The following VDR variants were observed in gnomAD, a reference collection of about 807,000 sequenced individuals.
The protein encoded by VDR is vitamin D3 receptor.
A neutral mutation model predicts 39.7 loss-of-function variants in VDR; 19 were observed. The ratio of observed to expected loss-of-function variants is 0.48; its 90% CI spans 0.33 to 0.70. The LOEUF (loss-of-function observed/expected upper bound fraction) is 0.70, where lower values mean the gene tolerates loss of function less well. Ranked by LOEUF, VDR falls within the 30% of genes least tolerant of loss-of-function variation. VDR has a pLI of 0.02. For missense variants in VDR, 442 were observed against 570.5 expected (o/e 0.77, Z 2.29); for synonymous variants, 242 against 215.8 (o/e 1.12, Z -1.07).
In VDR at chr12:47,855,698, G is replaced by A; in HGVS notation, c.687C>T (p.His229=). 2 of 1,614,184 alleles carry A rather than the reference G, an allele frequency of 1.2e-6. No individual in the cohort carries two copies. Among genetic ancestry groups the A allele is most frequent in the Non-Finnish European group, 1.7e-6 (2 of 1,180,022 alleles). The part of the protein sequence containing the change: ...LELSQLSMLP[H]LADLVSYSIQ... ...TGCTGTAACTGACCAGGTCAGCCAG[G>A]TGGGGCAGCATGGAGAGCTGGGACA... The change falls in exon 7 of 10, where the codon CAC becomes CAT. Residue 229 remains histidine, a synonymous_variant. Coordinates refer to ENST00000549336, the MANE Select transcript of VDR (RefSeq NM_000376.3).
At position 47,865,168 on chromosome 12, in the gene VDR, C is replaced by A. The variant is rs200041268; in HGVS notation, c.156G>T (p.Met52Ile). Residue 52 changes from methionine (M) to isoleucine (I), a missense_variant, in exon 4 of 10, where the codon ATG becomes ATT. Transcript: ENST00000549336. ...EGCKGFFRRS[M>I]KRKALFTCPF... ...GGCAGGTGAATAGTGCCTTCCGCTT[C>A]ATGCTTCGCCTGCCGAGAGAGCACA... 5.4e-5 allele frequency: 87 copies of A among 1,612,246 alleles called. 2 individuals are homozygous for A. Among genetic ancestry groups the A allele is most frequent in the East Asian group, 4.5e-4 (20 of 44,868 alleles).
At chr12:47,869,699 A>C (rs1945813379) in intron 3 of VDR, among the ~76,000 whole-genome samples, 1 of 152,190 alleles carries the variant, frequency 6.6e-6, no homozygotes, top group Non-Finnish European at 1.5e-5. Context: ...GTTTGAGACC[A>C]ACCTGGCCAA....
chr12:47,857,134 G>A lies in VDR; in HGVS notation c.578C>T (p.Ser193Phe). Residue 193 changes from serine to phenylalanine, a missense_variant, in exon 6 of 10, where the codon TCT becomes TTT. Ser to Phe is a radical substitution (Grantham distance 155, BLOSUM62 -2). Around this residue, in one of 5 missense-constraint regions of VDR, gnomAD observed 77 missense variants for 67.4 expected, o/e 1.14. Coordinates refer to ENST00000549336, the MANE Select transcript of VDR (RefSeq NM_000376.3). ...AGGACTGAAGTCCTGCTTACCTGAA[G>A]AGGTGATACAGTGATCTGAGCAGGA... ...SSSCSDHCIT[S>F]SDMMDSSSFS... is the part of the protein sequence containing the mutation. 1 of 1,614,204 alleles carries A rather than the reference G, an allele frequency of 6.2e-7. No homozygotes were observed. The highest frequency in any genetic ancestry group is 8.5e-7 in the Non-Finnish European group (1 of 1,180,018).
At chr12:47,865,022 C>T (rs2137165347) in intron 4 of VDR, 25 bp downstream of exon 4, 1 of 1,612,178 alleles carries the variant, frequency 6.2e-7, no homozygotes, top group Non-Finnish European at 8.5e-7. Context: ...CAGGCCCAAA[C>T]CCTGCCCAGC....
intron 1 of VDR, among the ~76,000 whole-genome samples, chr12:47,889,312 G>A (rs1241405922): frequency 1.3e-5 from 2 of 152,142 alleles, no homozygotes; most frequent in Non-Finnish European, 1.5e-5. Flanking sequence ...TGTGGGGTAG[G>A]AATGGGCCAT....
In VDR at chr12:47,883,062, G is replaced by A. The variant is rs11574039; in HGVS notation, c.-83-288C>T. The A allele has an allele frequency of 0.019, 7,097 of 380,290 alleles. 106 individuals carry two copies. The highest frequency in any genetic ancestry group is 0.023 in the Non-Finnish European group (4,746 of 210,714). The allele number at this position is 380,290 out of a possible 1,614,324, so 23.6% of individuals were successfully genotyped here. On this transcript the variant is annotated intron_variant, in intron 1 of 9. Coordinates refer to ENST00000549336, the MANE Select transcript of VDR (RefSeq NM_000376.3). Reference sequence around the variant, plus strand: ...CCCAGGCAGAAGGAAACAGCCTCCCGCCTAGGCACTCCTTCTCCTCTCACA... The same window carrying A: ...CCCAGGCAGAAGGAAACAGCCTCCCACCTAGGCACTCCTTCTCCTCTCACA...
In VDR at chr12:47,868,802, C is replaced by T. The variant is rs190824944; in HGVS notation, c.147-3625G>A. Among the ~76,000 whole-genome samples the T allele has an allele frequency of 8.4e-4, 126 of 150,688 alleles. No individual in the cohort carries two copies. In the East Asian group the frequency reaches 0.021, roughly 25 times the overall value. ...TTTGTTTTTCAACAACCGGGCATTT[C>T]GCTCTGGTCACTGAGGGGCTGCTCT... On this transcript the variant is annotated intron_variant, in intron 3 of 9. Coordinates refer to ENST00000549336, the MANE Select transcript of VDR (RefSeq NM_000376.3).
At chr12:47,879,467 T>C (rs1237617529) in intron 2 of VDR, among the ~76,000 whole-genome samples, 1 of 152,198 alleles carries the variant, frequency 6.6e-6, no homozygotes, top group Non-Finnish European at 1.5e-5. Flanking sequence ...ATCATATGCA[T>C]GAACCCATTC....
At chr12:47,870,545 C>T (rs1428784181) in intron 3 of VDR, among the ~76,000 whole-genome samples, 1 of 152,166 alleles carries the variant, frequency 6.6e-6, no homozygotes, top group Non-Finnish European at 1.5e-5. Context: ...TGAGAGAGGA[C>T]ATTGACCGAT....
rs71077177 is a variant in VDR, at chr12:47,873,351, C to CTTTTTTTTT, written c.146+5608_146+5616dup. Among the ~76,000 whole-genome samples, 419 of 98,350 alleles carry CTTTTTTTTT rather than the reference C, an allele frequency of 4.3e-3. 55 individuals are homozygous for CTTTTTTTTT. Among genetic ancestry groups the CTTTTTTTTT allele is most frequent in the East Asian group, 0.025 (58 of 2,322 alleles). The allele number at this position is 98,350 out of a possible 152,430, so 64.5% of individuals were successfully genotyped here. A position where few individuals can be genotyped will look rare whatever the true frequency, so the allele number is the denominator to read the frequency against. On this transcript the variant is annotated intron_variant, in intron 3 of 9. Coordinates refer to ENST00000549336, the MANE Select transcript of VDR (RefSeq NM_000376.3). ...ACCATGAGTCAATTAAACCTGTTTT[C>CTTTTTTTTT]TTTTTTTTTTTTTTTTTTTTTTTTT...
chr12:47,901,635 T>G (rs910892654), intron 1 of VDR: 3 of 153,448 alleles, frequency 2.0e-5, no homozygotes, highest in African/African-American at 7.2e-5. Context: ...GCTGCTTACC[T>G]GCTTTACAGC....
At chr12:47,897,194 C>T (rs756446473) in intron 1 of VDR, among the ~76,000 whole-genome samples, 2 of 152,166 alleles carry the variant, frequency 1.3e-5, no homozygotes, top group Non-Finnish European at 2.9e-5. Flanking sequence ...ATTTTACCAG[C>T]CTCGTAGGAT....
At chr12:47,895,406 AAGG>A (rs1946446251) in intron 1 of VDR, among the ~76,000 whole-genome samples, 1 of 152,194 alleles carries the variant, frequency 6.6e-6, no homozygotes, top group African/African-American at 2.4e-5. Flanking sequence ...GGAGGGAGAG[AAGG>A]AGGAGGGGAG....
At chr12:47,846,481 G>A in intron 8 of VDR, 30 bp from the exon 9 acceptor site, 1 of 1,556,838 alleles carries the variant, frequency 6.4e-7, no homozygotes, top group Non-Finnish European at 8.7e-7. Context: ...GGTACTGCGG[G>A]CAGAGCTGAG....
At chr12:47,871,310 C>CTTTCTTTCTT (rs1230308994) in intron 3 of VDR, among the ~76,000 whole-genome samples, 3 of 132,446 alleles carry the variant, frequency 2.3e-5, no homozygotes, top group Admixed American at 7.7e-5. Context: ...TTCTTTCTTT[C>CTTTCTTTCTT]TTTCTTTCTT....
At chr12:47,894,074 C>T (rs973666010) in intron 1 of VDR, among the ~76,000 whole-genome samples, 8 of 152,358 alleles carry the variant, frequency 5.3e-5, no homozygotes, top group African/African-American at 1.9e-4. Flanking sequence ...CCCAGCCCTA[C>T]CCATTTGTCA....
rs3858733 is a variant in VDR at position 47,844,184 on chromosome 12, T to G, written c.*562A>C. 0.032 allele frequency: 5,381 copies of G among 167,906 alleles called. 117 individuals carry two copies. Among genetic ancestry groups the G allele is most frequent in the Middle Eastern group, 0.055 (18 of 328 alleles). 10.4% of individuals were successfully genotyped at this position (167,906 alleles called of 1,614,324 possible). On this transcript the variant is annotated 3_prime_UTR_variant, in exon 10 of 10. Coordinates refer to ENST00000549336, the MANE Select transcript of VDR (RefSeq NM_000376.3). ...GGGTTCGTGCCTGGTGCTCCAGTGATGGGAAGAAAACCCACCTCACCACAG... is the reference window on the plus strand; with the variant it reads ...GGGTTCGTGCCTGGTGCTCCAGTGAGGGGAAGAAAACCCACCTCACCACAG...
intron 1 of VDR, chr12:47,904,701 G>T: frequency 1.4e-6 from 2 of 1,468,982 alleles, no homozygotes; most frequent in South Asian, 1.2e-5. Context: ...TGTGTTAGCG[G>T]AGCATTTCTC....
chr12:47,868,107 CT>C (rs1945775218), intron 3 of VDR, among the ~76,000 whole-genome samples: 1 of 152,206 alleles, frequency 6.6e-6, no homozygotes, highest in Non-Finnish European at 1.5e-5. Context: ...GTGCAGGCTC[CT>C]AGGTCTGGAA....
Sources: gnomAD v4.1 joint callset for allele counts (sites outside exome capture counted in the v4.1 genomes callset) on GRCh38, gnomAD v4.1.1 for gene constraint, gnomAD v4.1.1 regional missense constraint, MANE v1.5 for transcripts, NCBI Gene and HGNC (gene_info 2026-07-23, HGNC 2026-07-21) for gene names.